The following PHF10 variants were observed in gnomAD, a reference collection of about 807,000 sequenced individuals.
PHF10 encodes PHD finger protein 10.
PHF10 carries 51 observed loss-of-function variants against 68.5 expected under a neutral mutation model. That is an observed-to-expected ratio of 0.74 (90% CI 0.59 to 0.94). PHF10 has a LOEUF of 0.94. Among genes scored for constraint, PHF10 ranks in the 40% least tolerant of loss-of-function variants. PHF10 has a pLI of 0.00. For synonymous variants in PHF10, 204 were observed against 203.5 expected (o/e 1.00, Z -0.02); for missense variants, 460 against 602.6 (o/e 0.76, Z 2.48).
intron 3 of PHF10, 127 bp from the exon 4 acceptor site, chr6:169,718,033 G>T: frequency 2.2e-6 from 1 of 459,348 alleles, no homozygotes; most frequent in South Asian, 5.4e-5. Flanking sequence ...TTATTAAAGG[G>T]GCTACAAAAA....
At chr6:169,712,666 A>G (rs1788952021) in intron 7 of PHF10, 127 bp from the exon 8 acceptor site, 2 of 669,048 alleles carry the variant, frequency 3.0e-6, no homozygotes, top group Non-Finnish European at 4.8e-6. Flanking sequence ...CTAGAGTACT[A>G]ATTTTTCATT....
rs768788859 is a variant in PHF10, at chr6:169,704,076, C to A, written c.1424G>T (p.Cys475Phe). ...LGAIPSGRWI[C>F]DCCQRAPPTP... ...TGGGGGGGCCCGCTGACAACAGTCA[C>A]AAATCCAGCGACCTAGGAAAAAAAT... The change falls in exon 12 of 12, where the codon TGT becomes TTT. Residue 475 changes from cysteine (C) to phenylalanine (F), a missense_variant. By Grantham distance (205) the Cys-to-Phe change is radical. Transcript: ENST00000339209. The A allele has an allele frequency of 3.8e-6, 6 of 1,579,244 alleles. No homozygotes were observed. The highest frequency in any genetic ancestry group is 1.4e-5 in the African/African-American group (1 of 72,366).
At chr6:169,723,093 A>ACACCGCG (rs1341222487) in intron 1 of PHF10, among the ~76,000 whole-genome samples, 1 of 152,344 alleles carries the variant, frequency 6.6e-6, no homozygotes, top group South Asian at 2.1e-4. Flanking sequence ...CGCACACGGC[A>ACACCGCG]CACCGCGCAC....
chr6:169,717,878 CT>C lies in PHF10; in HGVS notation c.353del (p.Lys118ArgfsTer6). On this transcript the variant is annotated frameshift_variant, in exon 4 of 12. Coordinates refer to ENST00000339209, the MANE Select transcript of PHF10 (RefSeq NM_018288.4). LOFTEE classifies it high-confidence loss of function. Reference sequence around the variant, plus strand: ...TTAGCTCTCTCAGGTAGAGTTTCTCCTTGTGAGACAAATCTCGTCGCTCTAA... The same window carrying C: ...TTAGCTCTCTCAGGTAGAGTTTCTCCTGTGAGACAAATCTCGTCGCTCTAA... The part of the protein sequence containing the change: ...PDLERRDLSH[K>X]EKLYLRELNV... 6.4e-7 allele frequency: 1 copy of C among 1,568,538 alleles called. No homozygotes were observed. Among genetic ancestry groups the C allele is most frequent in the Non-Finnish European group, 8.7e-7 (1 of 1,144,906 alleles).
chr6:169,723,905 A>G lies in PHF10; in HGVS notation c.27T>C (p.Ala9=). The change falls in exon 1 of 12, where the codon GCT becomes GCC. Residue 9 remains alanine, a synonymous_variant. Transcript: ENST00000339209. The stretch of plus-strand genomic sequence containing the variant: ...TGTCGCACGGCCGCGGGGACAGCGC[A>G]GCCCCGGGCCCGGCCGCCGCCGCCA... The part of the protein sequence containing the change: MAAAAGPG[A]ALSPRPCDSD... 2 of 1,065,692 alleles carry G rather than the reference A, an allele frequency of 1.9e-6. No homozygotes were observed. Among genetic ancestry groups the G allele is most frequent in the Non-Finnish European group, 2.3e-6 (2 of 879,180 alleles). The allele number at this position is 1,065,692 out of a possible 1,614,324, so 66.0% of individuals were successfully genotyped here.
intron 9 of PHF10, 71 bp from the exon 10 acceptor site, chr6:169,705,795 A>G (rs1788764238): frequency 3.7e-6 from 3 of 817,270 alleles, no homozygotes. Context: ...GAATTCTGTT[A>G]CTTTATTGCC....
At chr6:169,705,760 G>C (rs1788762989) in intron 9 of PHF10, 36 bp from the exon 10 acceptor site, 4 of 1,003,146 alleles carry the variant, frequency 4.0e-6, no homozygotes, top group Admixed American at 1.7e-5. Context: ...ATTCATGCCA[G>C]AAGAGCTTAC....
In PHF10 at chr6:169,717,255, A is replaced by G. The variant is rs1789072057; in HGVS notation, c.409+568T>C. 3.3e-5 allele frequency among the ~76,000 whole-genome samples: 5 copies of G among 152,236 alleles called. No homozygotes were observed. The South Asian group carries it at 8.3e-4, about 25-fold the overall frequency. On this transcript the variant is annotated intron_variant, in intron 4 of 11. Coordinates refer to ENST00000339209, the MANE Select transcript of PHF10 (RefSeq NM_018288.4). ...CAGAGAGAGACTCTGTGTTAAAAAA[A>G]AGAGAAAAATTAGACAATTATACTC...
intron 2 of PHF10, chr6:169,719,156 G>C: frequency 3.1e-6 from 1 of 319,658 alleles, no homozygotes; most frequent in Non-Finnish European, 5.8e-6. Flanking sequence ...GAAGAACGTA[G>C]AATCACAATT....
intron 2 of PHF10, among the ~76,000 whole-genome samples, chr6:169,720,013 T>C (rs962743109): frequency 6.6e-6 from 1 of 151,836 alleles, no homozygotes; most frequent in East Asian, 1.9e-4. Flanking sequence ...AGAACTTGAA[T>C]AGACATGTCT....
At chr6:169,711,843 G>C (rs1352897936) in intron 8 of PHF10, among the ~76,000 whole-genome samples, 1 of 152,006 alleles carries the variant, frequency 6.6e-6, no homozygotes, top group East Asian at 1.9e-4. Context: ...GTCATCACTG[G>C]GATCAAAGCC....
chr6:169,723,958 GC>G lies in PHF10; in HGVS notation c.-28del. ...AGCCCGAGCGCCCCGCGCCGCCGCCGCCGCCGTCGCCTCCGCCTTGTCCCGG... is the reference window on the plus strand; with the variant it reads ...AGCCCGAGCGCCCCGCGCCGCCGCCGCGCCGTCGCCTCCGCCTTGTCCCGG... On this transcript the variant is annotated 5_prime_UTR_variant, in exon 1 of 12. Coordinates refer to ENST00000339209, the MANE Select transcript of PHF10 (RefSeq NM_018288.4). 1 of 751,796 alleles carries G rather than the reference GC, an allele frequency of 1.3e-6. No individual in the cohort carries two copies. The highest frequency in any genetic ancestry group is 1.6e-6 in the Non-Finnish European group (1 of 620,414). 46.6% of individuals were successfully genotyped at this position (751,796 alleles called of 1,614,324 possible). A position where few individuals can be genotyped will look rare whatever the true frequency, so the allele number is the denominator to read the frequency against.
In PHF10 at chr6:169,710,113, C is replaced by T. The variant is rs749511745; in HGVS notation, c.1113+123G>A. On this transcript the variant is annotated intron_variant, in intron 9 of 11. Transcript: ENST00000339209. ...AAGAAAGCAGCGGACAAAGGGCACA[C>T]CATAGAAGAACAGCTAGTGAGGTAC... 87 of 675,880 alleles carry T rather than the reference C, an allele frequency of 1.3e-4. 1 individual carries two copies. The highest frequency in any genetic ancestry group is 1.7e-4 in the Non-Finnish European group (71 of 408,400). The allele number at this position is 675,880 out of a possible 1,614,324, so 41.9% of individuals were successfully genotyped here.
chr6:169,717,689 G>C, intron 4 of PHF10, 134 bp downstream of exon 4: 1 of 565,912 alleles, frequency 1.8e-6, no homozygotes, highest in East Asian at 3.1e-5. Flanking sequence ...CAAAAATGAA[G>C]TAAATAATGT....
intron 9 of PHF10, among the ~76,000 whole-genome samples, 180 bp from the exon 10 acceptor site, chr6:169,705,904 A>G (rs1262824787): frequency 6.6e-6 from 1 of 152,228 alleles, no homozygotes; most frequent in Non-Finnish European, 1.5e-5. Context: ...TGAAGAAAGC[A>G]TTAATTTCAT....
In PHF10 at chr6:169,704,033, G is replaced by A; in HGVS notation, c.1467C>T (p.Gly489=). The A allele has an allele frequency of 1.3e-6, 2 of 1,599,096 alleles. No homozygotes were observed. The highest frequency in any genetic ancestry group is 1.1e-5 in the South Asian group (1 of 87,370). Residue 489 remains glycine, a synonymous_variant, in exon 12 of 12, where the codon GGC becomes GGT. Transcript: ENST00000339209. Reference sequence around the variant, plus strand: ...CCTCTTTGCTGTTTTTCCCCCTTCTGCCCACTTTCCTGGGTGTTGGGGGGG... The same window carrying A: ...CCTCTTTGCTGTTTTTCCCCCTTCTACCCACTTTCCTGGGTGTTGGGGGGG... ...QRAPPTPRKV[G]RRGKNSKEG is the part of the protein sequence containing the mutation.
At chr6:169,712,993 T>C (rs1184802569) in intron 7 of PHF10, among the ~76,000 whole-genome samples, 2 of 152,208 alleles carry the variant, frequency 1.3e-5, no homozygotes, top group African/African-American at 4.8e-5. Context: ...CACCAGTGCA[T>C]GGTACATGAT....
intron 9 of PHF10, chr6:169,709,547 G>A (rs545569809): frequency 2.8e-4 from 43 of 152,200 alleles, no homozygotes; most frequent in African/African-American, 9.9e-4. Context: ...GCAGACAGAG[G>A]GAGGAAAAGT....
At chr6:169,720,840 T>C (rs1399516599) in intron 2 of PHF10, among the ~76,000 whole-genome samples, 165 bp downstream of exon 2, 1 of 152,220 alleles carries the variant, frequency 6.6e-6, no homozygotes, top group African/African-American at 2.4e-5. Flanking sequence ...GCTTTTTAAT[T>C]ACACTCAGTA....
Sources: gnomAD v4.1 joint callset for allele counts (sites outside exome capture counted in the v4.1 genomes callset) on GRCh38, gnomAD v4.1.1 for gene constraint, MANE v1.5 for transcripts, NCBI Gene and HGNC (gene_info 2026-07-23, HGNC 2026-07-21) for gene names.